CNNM2: variants seen among roughly 807,000 people sequenced by gnomAD.
The protein encoded by CNNM2 is metal transporter CNNM2.
Under a neutral mutation model 66.9 loss-of-function variants are expected in CNNM2, and 12 were observed. The ratio of observed to expected loss-of-function variants is 0.18; its 90% CI spans 0.11 to 0.29. CNNM2 has a LOEUF of 0.29. Ranked by LOEUF, CNNM2 falls within the 10% of genes least tolerant of loss-of-function variation. CNNM2 has a pLI of 1.00. For missense variants in CNNM2, 705 were observed against 1,167.7 expected, an observed-to-expected ratio of 0.60 and a Z score of 5.77; for synonymous variants, 557 against 501.8, an observed-to-expected ratio of 1.11 and a Z score of -1.47.
At chr10:102,948,026 C>T (rs1846682022) in intron 1 of CNNM2, among the ~76,000 whole-genome samples, 1 of 152,128 alleles carries the variant, frequency 6.6e-6, no homozygotes, top group East Asian at 1.9e-4. Flanking sequence ...ACACTCCAGC[C>T]TGGGGATAGA....
At chr10:103,053,845 G>A (rs559832013) in intron 2 of CNNM2, among the ~76,000 whole-genome samples, 1 of 152,250 alleles carries the variant, frequency 6.6e-6, no homozygotes, top group Non-Finnish European at 1.5e-5. Context: ...TCTTAAGGGG[G>A]TTTTGTTTGT....
chr10:102,919,401 G>A lies in CNNM2; in HGVS notation c.921G>A (p.Pro307=). 6.2e-7 allele frequency: 1 copy of A among 1,611,662 alleles called. No individual in the cohort carries two copies. The highest frequency in any genetic ancestry group is 8.5e-7 in the Non-Finnish European group (1 of 1,180,030). ...KEKNYAKRIE[P]VRRQGNYLLC... ...AGAATTACGCCAAGCGCATCGAGCCGGTGCGCAGGCAGGGCAACTACCTGC... is the reference window on the plus strand; with the variant it reads ...AGAATTACGCCAAGCGCATCGAGCCAGTGCGCAGGCAGGGCAACTACCTGC... Residue 307 remains proline, a synonymous_variant, in exon 1 of 8, where the codon CCG becomes CCA. Transcript: ENST00000369878.
intron 1 of CNNM2, among the ~76,000 whole-genome samples, chr10:103,013,479 G>A (rs991314376): frequency 2.0e-5 from 3 of 152,130 alleles, no homozygotes; most frequent in African/African-American, 4.8e-5. Context: ...TACCTGGTGG[G>A]TTAAAGCATT....
rs1352405866 is a variant in CNNM2, at chr10:103,089,902, G to T, written c.*12722G>T. On this transcript the variant is annotated 3_prime_UTR_variant, in exon 8 of 8. Transcript: ENST00000369878. ...TGTGTGTGCTCCACCGTTGATTCAT[G>T]AGGCATCTAGACAGAAAAAAGCTAG... 3.1e-6 allele frequency: 5 copies of T among 1,598,172 alleles called. No homozygotes were observed. Among genetic ancestry groups the T allele is most frequent in the African/African-American group, 1.3e-5 (1 of 74,302 alleles).
At chr10:102,941,872 A>G (rs1043244799) in intron 1 of CNNM2, among the ~76,000 whole-genome samples, 3 of 152,100 alleles carry the variant, frequency 2.0e-5, no homozygotes, top group Non-Finnish European at 4.4e-5. Flanking sequence ...CTGCGTTGCC[A>G]GGGCCCACAG....
intron 1 of CNNM2, among the ~76,000 whole-genome samples, chr10:103,009,674 CAAAAAAAAAA>C (rs36096913): frequency 5.1e-5 from 3 of 58,634 alleles, no homozygotes; most frequent in East Asian, 4.9e-4. Context: ...CCTGAGTCTC[CAAAAAAAAAA>C]AAAAAAAAAA....
rs12254271 is a variant in CNNM2, at chr10:102,931,735, T to G, written c.1621+11634T>G. 0.027 allele frequency among the ~76,000 whole-genome samples: 4,163 copies of G among 152,256 alleles called. 172 individuals carry two copies. Among genetic ancestry groups the G allele is most frequent in the African/African-American group, 0.088 (3,657 of 41,538 alleles). ...GATCATATGGTAATTCTATTAACTT[T>G]TTGAGAAACTGCCAAACTGTTTTTC... On this transcript the variant is annotated intron_variant, in intron 1 of 7. Coordinates refer to ENST00000369878, the MANE Select transcript of CNNM2 (RefSeq NM_017649.5).
At chr10:102,943,940 A>C (rs912094006) in intron 1 of CNNM2, among the ~76,000 whole-genome samples, 1 of 152,150 alleles carries the variant, frequency 6.6e-6, no homozygotes, top group Non-Finnish European at 1.5e-5. Flanking sequence ...CTTGAAATCT[A>C]TGCTGACTTC....
chr10:102,954,275 A>C (rs1304320787), intron 1 of CNNM2, among the ~76,000 whole-genome samples: 1 of 151,716 alleles, frequency 6.6e-6, no homozygotes. Flanking sequence ...CCACAGGCAC[A>C]CAGCACCATG....
intron 1 of CNNM2, chr10:102,927,395 A>G (rs1267556988): frequency 3.1e-6 from 5 of 1,613,702 alleles, no homozygotes; most frequent in Non-Finnish European, 4.2e-6. Context: ...AGAAGAGACA[A>G]TAAGAAGCAT....
intron 1 of CNNM2, among the ~76,000 whole-genome samples, chr10:102,928,837 A>G (rs1845968542): frequency 6.6e-6 from 1 of 152,210 alleles, no homozygotes; most frequent in African/African-American, 2.4e-5. Flanking sequence ...AAGTGTCAAC[A>G]TGAAATTTTG....
chr10:102,950,139 C>T (rs1846773646), intron 1 of CNNM2, among the ~76,000 whole-genome samples: 1 of 152,166 alleles, frequency 6.6e-6, no homozygotes, highest in African/African-American at 2.4e-5. Context: ...GAGTTAGTCA[C>T]AGGCAGATAT....
intron 1 of CNNM2, among the ~76,000 whole-genome samples, chr10:102,921,614 A>G (rs1236546419): frequency 6.6e-6 from 1 of 152,206 alleles, no homozygotes; most frequent in Non-Finnish European, 1.5e-5. Context: ...TGGGGGTGTC[A>G]TTCTTTCACC....
At chr10:102,992,569 C>T (rs1051083239) in intron 1 of CNNM2, among the ~76,000 whole-genome samples, 1 of 151,986 alleles carries the variant, frequency 6.6e-6, no homozygotes, top group Non-Finnish European at 1.5e-5. Flanking sequence ...CCACCGTGCC[C>T]GGCCTCCAGT....
intron 1 of CNNM2, among the ~76,000 whole-genome samples, chr10:102,989,169 T>G (rs2063850769): frequency 6.6e-6 from 1 of 152,182 alleles, no homozygotes; most frequent in Non-Finnish European, 1.5e-5. Flanking sequence ...GTATGTCTAT[T>G]TAGATAAGCA....
intron 4 of CNNM2, among the ~76,000 whole-genome samples, chr10:103,063,033 AAT>A: frequency 6.6e-6 from 1 of 152,320 alleles, no homozygotes; most frequent in South Asian, 2.1e-4. Context: ...TGCTCCAAGT[AAT>A]ACCACGTGGC....
intron 1 of CNNM2, among the ~76,000 whole-genome samples, chr10:103,041,696 C>T (rs908346478): frequency 1.3e-5 from 2 of 152,168 alleles, no homozygotes; most frequent in Non-Finnish European, 2.9e-5. Flanking sequence ...CGTGACCTTT[C>T]GGCTGCATTT....
At chr10:102,928,057 A>G (rs1845936305) in intron 1 of CNNM2, among the ~76,000 whole-genome samples, 1 of 152,208 alleles carries the variant, frequency 6.6e-6, no homozygotes, top group African/African-American at 2.4e-5. Context: ...TTGGACAAGT[A>G]ACTTATCCTC....
chr10:103,015,966 T>C (rs1207015351), intron 1 of CNNM2, among the ~76,000 whole-genome samples: 2 of 152,218 alleles, frequency 1.3e-5, no homozygotes, highest in Non-Finnish European at 2.9e-5. Flanking sequence ...TTTTAATCTC[T>C]ACTTGCCCCC....
Sources: allele counts gnomAD v4.1 joint callset (sites outside exome capture counted in the v4.1 genomes callset), GRCh38; gene constraint gnomAD v4.1.1; transcripts MANE v1.5; gene names NCBI Gene and HGNC (gene_info 2026-07-23, HGNC 2026-07-21).